TP63: variants seen among roughly 807,000 people sequenced by gnomAD.
The protein encoded by TP63 is tumor protein 63.
A neutral mutation model predicts 82.8 loss-of-function variants in TP63; 17 were observed. That is an observed-to-expected ratio of 0.21 (90% CI 0.14 to 0.31). TP63 has a LOEUF of 0.31. TP63 is among the 10% of genes least tolerant of loss of function. The probability of loss-of-function intolerance (pLI) is 1.00; values close to 1 mark genes in which losing one functional copy is unlikely to be tolerated. For missense variants in TP63, 648 were observed against 895.3 expected (o/e 0.72, Z 3.52); for synonymous variants, 330 against 321.7 (o/e 1.03, Z -0.28).
chr3:189,891,848 G>A (rs755579100), intron 13 of TP63, among the ~76,000 whole-genome samples: 5 of 152,116 alleles, frequency 3.3e-5, no homozygotes, highest in Admixed American at 6.5e-5. Flanking sequence ...TTTGGACTGC[G>A]GGAAGAAGAC....
chr3:189,661,430 A>G (rs920852148), intron 1 of TP63, among the ~76,000 whole-genome samples: 48 of 152,204 alleles, frequency 3.2e-4, no homozygotes, highest in African/African-American at 9.6e-4. Flanking sequence ...AGCCTACTTG[A>G]TCATGGTGAA....
chr3:189,692,833 G>A (rs1025542027), intron 1 of TP63, among the ~76,000 whole-genome samples: 4 of 152,242 alleles, frequency 2.6e-5, no homozygotes, highest in Admixed American at 6.5e-5. Flanking sequence ...TTCTCAAAAC[G>A]TGTCTTTTCT....
chr3:189,768,690 G>A (rs987945661), intron 3 of TP63, among the ~76,000 whole-genome samples: 21 of 152,098 alleles, frequency 1.4e-4, no homozygotes, highest in Non-Finnish European at 2.8e-4. Context: ...ATTGAGGATT[G>A]ACTTGTCATT....
At chr3:189,632,590 A>G (rs1397232731) in intron 1 of TP63, among the ~76,000 whole-genome samples, 1 of 152,140 alleles carries the variant, frequency 6.6e-6, no homozygotes, top group Non-Finnish European at 1.5e-5. Context: ...CAGAAGAGAA[A>G]GAGCAAGGCA....
At chr3:189,670,841 C>T (rs1366690334) in intron 1 of TP63, among the ~76,000 whole-genome samples, 4 of 151,902 alleles carry the variant, frequency 2.6e-5, no homozygotes, top group Admixed American at 2.6e-4. Flanking sequence ...CTGGGAAAGC[C>T]ATCAAACTAG....
At chr3:189,692,206 A>G (rs778420114) in intron 1 of TP63, among the ~76,000 whole-genome samples, 1 of 152,164 alleles carries the variant, frequency 6.6e-6, no homozygotes, top group Non-Finnish European at 1.5e-5. Context: ...AGTTATTTCC[A>G]TATGGACTTG....
At chr3:189,834,867 T>G (rs1372860656) in intron 4 of TP63, among the ~76,000 whole-genome samples, 1 of 150,716 alleles carries the variant, frequency 6.6e-6, no homozygotes, top group Non-Finnish European at 1.5e-5. Context: ...TAATAGATGT[T>G]GATTTCATAT....
Position 189,689,098 on chromosome 3 carries a change from C to CTTTTTTTTTTTTTTTTTTTTTTTTTTT in TP63, c.63-48637_63-48636insTTTTTTTTTTTTTTTTTTTTTTTTTTT, listed in dbSNP as rs1383931117. Reference sequence around the variant, plus strand: ...CAGAGTGGCCAGCATTCAAATCTACCTTTTTCTTTTTTTTTTTTTTTTTTT... The same window carrying CTTTTTTTTTTTTTTTTTTTTTTTTTTT: ...CAGAGTGGCCAGCATTCAAATCTACCTTTTTTTTTTTTTTTTTTTTTTTTTTTTTTTTCTTTTTTTTTTTTTTTTTTT... On this transcript the variant is annotated intron_variant, in intron 1 of 13. Transcript: ENST00000264731. Among the ~76,000 whole-genome samples, 4 of 85,154 alleles carry CTTTTTTTTTTTTTTTTTTTTTTTTTTT rather than the reference C, an allele frequency of 4.7e-5. 2 individuals carry two copies. The highest frequency in any genetic ancestry group is 4.3e-5 in the Non-Finnish European group (2 of 46,818). 55.9% of individuals were successfully genotyped at this position (85,154 alleles called of 152,430 possible).
At chr3:189,727,292 A>G (rs760387872) in intron 1 of TP63, among the ~76,000 whole-genome samples, 24 of 152,242 alleles carry the variant, frequency 1.6e-4, no homozygotes, top group Non-Finnish European at 1.5e-5. Flanking sequence ...AATAGATTCT[A>G]TAATTGAGAA....
At chr3:189,874,539 G>A (rs1462444182) in intron 10 of TP63, among the ~76,000 whole-genome samples, 1 of 152,098 alleles carries the variant, frequency 6.6e-6, no homozygotes, top group Non-Finnish European at 1.5e-5. Flanking sequence ...GGCCCGAAGG[G>A]ATCTCACCAT....
At chr3:189,817,015 AAC>A (rs1371953767) in intron 4 of TP63, among the ~76,000 whole-genome samples, 1 of 151,918 alleles carries the variant, frequency 6.6e-6, no homozygotes, top group Non-Finnish European at 1.5e-5. Context: ...GGAAAAAAAA[AAC>A]CCTACAACTT....
At chr3:189,618,890 A>G in the TP63 span, among the ~76,000 whole-genome samples, 1 of 151,944 alleles carries the variant, frequency 6.6e-6, no homozygotes, top group Non-Finnish European at 1.5e-5. Flanking sequence ...CTCTTCATTT[A>G]GCATTGATCA....
At chr3:189,677,407 T>TAC (rs200306580) in intron 1 of TP63, among the ~76,000 whole-genome samples, 2,342 of 121,816 alleles carry the variant, frequency 0.019, 74 homozygotes, top group African/African-American at 0.057. Flanking sequence ...TGTATATATA[T>TAC]ACATATATAC....
chr3:189,828,343 T>C (rs187477630), intron 4 of TP63, among the ~76,000 whole-genome samples: 91 of 152,010 alleles, frequency 6.0e-4, no homozygotes, highest in Non-Finnish European at 1.0e-3. Flanking sequence ...GCAGTATATA[T>C]TTTAGAGATA....
intron 3 of TP63, among the ~76,000 whole-genome samples, chr3:189,760,543 G>T (rs966920007): frequency 6.6e-6 from 1 of 152,176 alleles, no homozygotes; most frequent in Non-Finnish European, 1.5e-5. Context: ...CATGGCCTTG[G>T]GCAGCTCTGC....
intron 13 of TP63, among the ~76,000 whole-genome samples, chr3:189,892,425 G>C (rs965382884): frequency 1.3e-5 from 2 of 152,164 alleles, no homozygotes; most frequent in African/African-American, 4.8e-5. Context: ...ACAATGAACA[G>C]AGTCTAATTT....
intron 1 of TP63, among the ~76,000 whole-genome samples, chr3:189,722,653 C>T (rs1321259080): frequency 1.3e-5 from 2 of 152,220 alleles, no homozygotes; most frequent in Non-Finnish European, 1.5e-5. Flanking sequence ...GCAGAAAGCT[C>T]ATGTACCTTC....
chr3:189,850,919 C>A (rs1356941329), intron 4 of TP63, among the ~76,000 whole-genome samples: 1 of 152,062 alleles, frequency 6.6e-6, no homozygotes, highest in African/African-American at 2.4e-5. Context: ...AAATGGTTAA[C>A]ATTCAAACTT....
chr3:189,743,718 T>C (rs1329719103), intron 3 of TP63, among the ~76,000 whole-genome samples: 4 of 152,072 alleles, frequency 2.6e-5, no homozygotes, highest in Admixed American at 6.5e-5. Context: ...TTTGAATAGA[T>C]TATCTAAGGG....
Sources: allele counts gnomAD v4.1 joint callset (sites outside exome capture counted in the v4.1 genomes callset), GRCh38; gene constraint gnomAD v4.1.1; transcripts MANE v1.5; gene names NCBI Gene and HGNC (gene_info 2026-07-23, HGNC 2026-07-21).